Variants in TRPS1 observed in about 807,000 individuals in gnomAD.
TRPS1 encodes the protein zinc finger transcription factor Trps1.
In TRPS1, 6 loss-of-function variants were observed where a neutral mutation model predicts 101.2. The observed-to-expected ratio is 0.06, with a 90% CI of 0.03 to 0.12. The LOEUF is 0.12. Among genes scored for constraint, TRPS1 ranks in the 10% least tolerant of loss-of-function variants. The pLI is 1.00. For synonymous variants in TRPS1, 578 were observed against 589.8 expected, an observed-to-expected ratio of 0.98 and a Z score of 0.29; for missense variants, 1,363 against 1,567.0, an observed-to-expected ratio of 0.87 and a Z score of 2.20.
intron 1 of TRPS1, chr8:115,637,180 A>G (rs1479782827): frequency 1.1e-6 from 1 of 892,272 alleles, no homozygotes; most frequent in African/African-American, 1.8e-5. Context: ...TGCTAACAAT[A>G]TTAACATATG....
At chr8:115,548,525 T>C (rs1416130161) in intron 5 of TRPS1, among the ~76,000 whole-genome samples, 1 of 151,946 alleles carries the variant, frequency 6.6e-6, no homozygotes, top group Non-Finnish European at 1.5e-5. Context: ...AACTCCTGAT[T>C]CTGCCCACCT....
chr8:115,519,992 A>C (rs1398554537), intron 5 of TRPS1, among the ~76,000 whole-genome samples: 1 of 151,746 alleles, frequency 6.6e-6, no homozygotes, highest in Non-Finnish European at 1.5e-5. Context: ...AATTCCATCT[A>C]AAATATTCAA....
chr8:115,535,175 ATATAGCATATG>A (rs1358179779), intron 5 of TRPS1, among the ~76,000 whole-genome samples: 1 of 148,074 alleles, frequency 6.8e-6, no homozygotes, highest in Non-Finnish European at 1.5e-5. Flanking sequence ...TGTATTGCAT[ATATAGCATATG>A]TATAGCATAT....
chr8:115,474,134 T>C (rs1245183906), intron 5 of TRPS1, among the ~76,000 whole-genome samples: 2 of 152,178 alleles, frequency 1.3e-5, no homozygotes, highest in Non-Finnish European at 2.9e-5. Context: ...TTTTGTAGTA[T>C]TTGTGAGTAA....
intron 5 of TRPS1, among the ~76,000 whole-genome samples, chr8:115,529,514 A>C (rs548075281): frequency 6.6e-5 from 10 of 152,274 alleles, no homozygotes; most frequent in African/African-American, 2.4e-4. Context: ...ATTAACAAAA[A>C]AATGTGCCTT....
chr8:115,487,633 A>T (rs1814916850), intron 5 of TRPS1, among the ~76,000 whole-genome samples: 1 of 152,220 alleles, frequency 6.6e-6, no homozygotes, highest in Admixed American at 6.5e-5. Context: ...CTCAAGAATG[A>T]CTTTGAGGAT....
chr8:115,411,715 G>A lies in TRPS1; in HGVS notation c.*2308C>T, dbSNP rs1812793793. ...TGAATATTAGAGCTACGCGACAGGTGAGATCAGAATAAGGCCCGTTAACAA... is the reference window on the plus strand; with the variant it reads ...TGAATATTAGAGCTACGCGACAGGTAAGATCAGAATAAGGCCCGTTAACAA... On this transcript the variant is annotated 3_prime_UTR_variant, in exon 7 of 7. Coordinates refer to ENST00000395715, the MANE Select transcript of TRPS1 (RefSeq NM_014112.5). 6.6e-6 allele frequency: 1 copy of A among 152,366 alleles called. No homozygotes were observed. Among genetic ancestry groups the A allele is most frequent in the Non-Finnish European group, 1.5e-5 (1 of 67,976 alleles). 9.4% of individuals were successfully genotyped at this position (152,366 alleles called of 1,614,324 possible).
chr8:115,414,574 A>C lies in TRPS1; in HGVS notation c.3334T>G (p.Phe1112Val). Residue 1112 changes from phenylalanine to valine, a missense_variant, in exon 7 of 7, where the codon TTT becomes GTT. Physicochemically the swap from Phe to Val is conservative, Grantham distance 50. This residue lies in a region of TRPS1 where 307 missense variants were observed against 392.4 expected (regional missense o/e 0.78). Coordinates refer to ENST00000395715, the MANE Select transcript of TRPS1 (RefSeq NM_014112.5). This position sits in a 1 kb window ranked among gnomAD's most constrained non-coding sequence, Gnocchi z 4.8. The part of the protein sequence containing the change: ...KYQYPLFGLP[F>V]VHNDFQSEAD... The stretch of plus-strand genomic sequence containing the variant: ...TCACTCTGGAAGTCATTATGTACAA[A>C]GGGAAGTCCAAAAAGTGGGTACTGG... 3 of 1,613,972 alleles carry C rather than the reference A, an allele frequency of 1.9e-6. No homozygotes were observed. Among genetic ancestry groups the C allele is most frequent in the Non-Finnish European group, 1.7e-6 (2 of 1,179,954 alleles).
At chr8:115,590,888 G>C (rs1817666372) in intron 4 of TRPS1, among the ~76,000 whole-genome samples, 1 of 151,846 alleles carries the variant, frequency 6.6e-6, no homozygotes, top group Non-Finnish European at 1.5e-5. Flanking sequence ...TACTGTTTCT[G>C]CAAGAGTTTA....
At chr8:115,631,053 T>C (rs1454393693) in intron 1 of TRPS1, among the ~76,000 whole-genome samples, 1 of 152,060 alleles carries the variant, frequency 6.6e-6, no homozygotes, top group African/African-American at 2.4e-5. Flanking sequence ...CAGATTATCC[T>C]AACTTTCGAA....
chr8:115,494,464 A>T (rs916623632), intron 5 of TRPS1, among the ~76,000 whole-genome samples: 6 of 152,238 alleles, frequency 3.9e-5, no homozygotes, highest in Non-Finnish European at 7.3e-5. Context: ...AACAAAAAGA[A>T]CGAAAGCAAA....
At chr8:115,574,933 G>C (rs1049497575) in intron 5 of TRPS1, among the ~76,000 whole-genome samples, 5 of 151,882 alleles carry the variant, frequency 3.3e-5, no homozygotes, top group African/African-American at 4.8e-5. Context: ...AAAACTTCAG[G>C]GTTTCTATTT....
At chr8:115,547,430 G>A in intron 5 of TRPS1, among the ~76,000 whole-genome samples, 1 of 152,148 alleles carries the variant, frequency 6.6e-6, no homozygotes, top group East Asian at 1.9e-4. Context: ...GTGAAGCATG[G>A]GGTTTAAGCT....
intron 5 of TRPS1, among the ~76,000 whole-genome samples, chr8:115,490,887 G>A (rs1815004317): frequency 6.6e-6 from 1 of 152,132 alleles, no homozygotes; most frequent in South Asian, 2.1e-4. Context: ...ACAGCTCTTT[G>A]AATACACAAC....
rs140046364 is a variant in TRPS1, at chr8:115,412,323, G to GCACA, written c.*1696_*1699dup. ...TCATGTTACCGTTTACAACTTTAAT[G>GCACA]CACACACACACACACAAAAGGATAT... On this transcript the variant is annotated 3_prime_UTR_variant, in exon 7 of 7. Transcript: ENST00000395715. The GCACA allele has an allele frequency of 6.6e-6, 1 of 150,726 alleles. No homozygotes were observed. Among genetic ancestry groups the GCACA allele is most frequent in the South Asian group, 2.1e-4 (1 of 4,752 alleles). 9.3% of individuals were successfully genotyped at this position (150,726 alleles called of 1,614,324 possible).
At chr8:115,477,046 T>C (rs1169427559) in intron 5 of TRPS1, among the ~76,000 whole-genome samples, 1 of 152,138 alleles carries the variant, frequency 6.6e-6, no homozygotes, top group Non-Finnish European at 1.5e-5. Context: ...TAACACGAGG[T>C]TGGTTGGCAC....
intron 1 of TRPS1, among the ~76,000 whole-genome samples, chr8:115,638,743 T>A (rs2737233): frequency 6.6e-6 from 1 of 152,194 alleles, no homozygotes; most frequent in Non-Finnish European, 1.5e-5. Flanking sequence ...TTACCCTTTT[T>A]TTTGAGCTTA....
chr8:115,489,720 C>T (rs1227209081), intron 5 of TRPS1, among the ~76,000 whole-genome samples: 2 of 151,806 alleles, frequency 1.3e-5, no homozygotes, highest in East Asian at 3.9e-4. Flanking sequence ...TTTATTGGTC[C>T]CTATTAGCAT....
At chr8:115,562,423 T>C (rs536982164) in intron 5 of TRPS1, among the ~76,000 whole-genome samples, 1 of 152,006 alleles carries the variant, frequency 6.6e-6, no homozygotes, top group African/African-American at 2.4e-5. Context: ...AATTCAAATC[T>C]GTAATTGGAA....
Sources: gnomAD v4.1 joint callset for allele counts (sites outside exome capture counted in the v4.1 genomes callset) on GRCh38, gnomAD v4.1.1 for gene constraint, gnomAD v4.1.1 regional missense constraint, Gnocchi (gnomAD v3.1) non-coding constraint, MANE v1.5 for transcripts, NCBI Gene and HGNC (gene_info 2026-07-23, HGNC 2026-07-21) for gene names.